The following DNASE1L3 variants were observed in gnomAD, a reference collection of about 807,000 sequenced individuals.
The protein encoded by DNASE1L3 is deoxyribonuclease 1L3.
In DNASE1L3, 27 loss-of-function variants were observed where a neutral mutation model predicts 30.9. The ratio of observed to expected loss-of-function variants is 0.87; its 90% CI spans 0.64 to 1.20. The LOEUF is 1.20. Among genes scored for constraint, DNASE1L3 ranks in the 50% most tolerant of loss-of-function variants. The pLI, the probability that DNASE1L3 is intolerant of heterozygous loss-of-function variation, is 0.00. For synonymous variants in DNASE1L3, 135 were observed against 138.0 expected, an observed-to-expected ratio of 0.98 and a Z score of 0.15; for missense variants, 364 against 378.2, an observed-to-expected ratio of 0.96 and a Z score of 0.31.
intron 4 of DNASE1L3, among the ~76,000 whole-genome samples, chr3:58,204,072 G>A (rs2097402368): frequency 6.6e-6 from 1 of 151,894 alleles, no homozygotes; most frequent in South Asian, 2.1e-4. Flanking sequence ...CTGTGGAGGA[G>A]TCTGCGATGC....
rs146805633 is a variant in DNASE1L3 at position 58,201,095 on chromosome 3, C to T, written c.448G>A (p.Val150Met). ...GGGGTGGTGTGCAGGGGGATAATCACGAAGTCTTTGACAGCTGAGAAACAG... is the reference window on the plus strand; with the variant it reads ...GGGGTGGTGTGCAGGGGGATAATCATGAAGTCTTTGACAGCTGAGAAACAG... ...QSPHTAVKDF[V>M]IIPLHTTPET... Residue 150 changes from valine (V) to methionine (M), a missense_variant, in exon 5 of 8, where the codon GTG becomes ATG. By Grantham distance (21) the Val-to-Met change is conservative. Transcript: ENST00000394549. 100 of 1,608,056 alleles carry T rather than the reference C, an allele frequency of 6.2e-5. No individual in the cohort carries two copies. In the East Asian group the frequency reaches 1.0e-3, roughly 16 times the overall value.
intron 7 of DNASE1L3, 58 bp downstream of exon 7, chr3:58,193,285 C>T (rs766661698): frequency 3.1e-6 from 5 of 1,588,418 alleles, no homozygotes; most frequent in Non-Finnish European, 3.5e-6. Flanking sequence ...CATCATGTTG[C>T]CCAAGCTAAC....
At chr3:58,198,154 C>T (rs998799609) in intron 5 of DNASE1L3, among the ~76,000 whole-genome samples, 176 bp from the exon 6 acceptor site, 3 of 152,126 alleles carry the variant, frequency 2.0e-5, no homozygotes, top group African/African-American at 2.4e-5. Context: ...GAAGTTCTAA[C>T]CCCCAGCACC....
chr3:58,201,131 G>A (rs1348207419), intron 4 of DNASE1L3, 22 bp from the exon 5 acceptor site: 2 of 1,589,050 alleles, frequency 1.3e-6, no homozygotes, highest in Non-Finnish European at 1.7e-6. Context: ...GAAAGAGGCG[G>A]GGGTCACACA....
intron 2 of DNASE1L3, among the ~76,000 whole-genome samples, chr3:58,206,451 G>A (rs890110590): frequency 3.9e-5 from 6 of 152,134 alleles, no homozygotes; most frequent in South Asian, 2.1e-4. Flanking sequence ...AGGTTCTGCC[G>A]GGCTTCCACT....
At position 58,210,851 on chromosome 3, in the gene DNASE1L3, AG is replaced by A. The variant is rs2097407303; in HGVS notation, c.55del (p.Leu19TrpfsTer3). ...LLLLLSIHSA[L>X]AMRICSFNVR... ...GTTGAAGGAGCAGATCCTCATGGCCAGGGCGCTGTGGATGGAGAGGAGGAGA... is the reference window on the plus strand; with the variant it reads ...GTTGAAGGAGCAGATCCTCATGGCCAGGCGCTGTGGATGGAGAGGAGGAGA... On this transcript the variant is annotated frameshift_variant, in exon 1 of 8. Coordinates refer to ENST00000394549, the MANE Select transcript of DNASE1L3 (RefSeq NM_004944.4). LOFTEE classifies it high-confidence loss of function. 1 of 1,614,020 alleles carries A rather than the reference AG, an allele frequency of 6.2e-7. No individual in the cohort carries two copies.
intron 7 of DNASE1L3, 65 bp downstream of exon 7, chr3:58,193,278 C>A: frequency 6.3e-7 from 1 of 1,576,846 alleles, no homozygotes; most frequent in Non-Finnish European, 8.7e-7. Flanking sequence ...GGAGTCTCAT[C>A]ATGTTGCCCA....
chr3:58,192,577 A>G lies in DNASE1L3; in HGVS notation c.*110T>C. 7 of 1,199,698 alleles carry G rather than the reference A, an allele frequency of 5.8e-6. No individual in the cohort carries two copies. The highest frequency in any genetic ancestry group is 8.2e-6 in the Non-Finnish European group (7 of 858,226). 74.3% of individuals were successfully genotyped at this position (1,199,698 alleles called of 1,614,324 possible). The stretch of plus-strand genomic sequence containing the variant: ...AGTCAGAATAAATTCAGGTCAAAAA[A>G]TGAAAGCAGTTGGATCACTCTTGTT... On this transcript the variant is annotated 3_prime_UTR_variant, in exon 8 of 8. Coordinates refer to ENST00000394549, the MANE Select transcript of DNASE1L3 (RefSeq NM_004944.4). The surrounding 1 kb of genome is among the most constrained non-coding windows in gnomAD (Gnocchi z 4.8).
At chr3:58,195,057 T>C (rs1260436417) in intron 6 of DNASE1L3, among the ~76,000 whole-genome samples, 1 of 152,236 alleles carries the variant, frequency 6.6e-6, no homozygotes, top group Non-Finnish European at 1.5e-5. Flanking sequence ...TGACTTCTTC[T>C]AGGGATGTGC....
chr3:58,192,521 A>T lies in DNASE1L3; in HGVS notation c.*166T>A, dbSNP rs77435715. The T allele has an allele frequency of 2.3e-3, 1,554 of 688,678 alleles. 18 individuals are homozygous for T. The African/African-American group carries it at 0.023, about 10-fold the overall frequency. The allele number at this position is 688,678 out of a possible 1,614,324, so 42.7% of individuals were successfully genotyped here. A position where few individuals can be genotyped will look rare whatever the true frequency, so the allele number is the denominator to read the frequency against. ...CAGGGGAGGTATGAGACCAAGAGAG[A>T]TACAAAAGATTCTCCTTCCAATTTG... is the stretch of plus-strand genomic sequence containing the variant. On this transcript the variant is annotated 3_prime_UTR_variant, in exon 8 of 8. Transcript: ENST00000394549. This position sits in a 1 kb window ranked among gnomAD's most constrained non-coding sequence, Gnocchi z 4.8.
Position 58,197,947 on chromosome 3 carries a change from C to A in DNASE1L3, c.578G>T (p.Gly193Val). The A allele has an allele frequency of 6.2e-7, 1 of 1,613,566 alleles. No individual in the cohort carries two copies. Among genetic ancestry groups the A allele is most frequent in the Non-Finnish European group, 8.5e-7 (1 of 1,179,750 alleles). Residue 193 changes from glycine (G) to valine (V), a missense_variant, in exon 6 of 8, where the codon GGC (glycine) becomes GTC (valine). Transcript: ENST00000394549. The surrounding 1 kb of genome is among the most constrained non-coding windows in gnomAD (Gnocchi z 5.3). ...GGCCTTCTTGGGGACGTAGCTGCAG[C>A]CGGCATTGAAGTCACCCATGAAAAT... The part of the protein sequence containing the change: ...NFIFMGDFNA[G>V]CSYVPKKAWK...
rs944484533 is a variant in DNASE1L3, at chr3:58,200,525, G to T, written c.546+472C>A. On this transcript the variant is annotated intron_variant, in intron 5 of 7. Coordinates refer to ENST00000394549, the MANE Select transcript of DNASE1L3 (RefSeq NM_004944.4). The surrounding 1 kb of genome is among the most constrained non-coding windows in gnomAD (Gnocchi z 4.2). ...TCCAGCTATGCCTGAAGTACTCCTGGACATTTCAGTTACACAAACCAATCA... is the reference window on the plus strand; with the variant it reads ...TCCAGCTATGCCTGAAGTACTCCTGTACATTTCAGTTACACAAACCAATCA... Among the ~76,000 whole-genome samples the T allele has an allele frequency of 1.3e-5, 2 of 152,122 alleles. No individual in the cohort carries two copies. The highest frequency in any genetic ancestry group is 2.4e-5 in the African/African-American group (1 of 41,430).
intron 7 of DNASE1L3, 98 bp downstream of exon 7, chr3:58,193,243 ATT>A (rs1337176939): frequency 6.7e-7 from 1 of 1,498,004 alleles, no homozygotes; most frequent in Non-Finnish European, 9.1e-7. Context: ...TGCCCAGCTA[ATT>A]TTTTTGAATT....
Position 58,192,918 on chromosome 3 carries a change from C to T in DNASE1L3, c.802-115G>A. The T allele has an allele frequency of 6.7e-7, 1 of 1,497,686 alleles. No individual in the cohort carries two copies. Among genetic ancestry groups the T allele is most frequent in the South Asian group, 1.4e-5 (1 of 72,344 alleles). The allele number at this position is 1,497,686 out of a possible 1,614,324, so 92.8% of individuals were successfully genotyped here. On this transcript the variant is annotated intron_variant, in intron 7 of 7. Transcript: ENST00000394549. This position sits in a 1 kb window ranked among gnomAD's most constrained non-coding sequence, Gnocchi z 4.8. ...AGGGGAGAGGAAATGCCCGAAGTCA[C>T]CCCACAGAACACTTACTGGTAAGCG...
At position 58,205,499 on chromosome 3, in the gene DNASE1L3, ATG is replaced by A. The variant is rs751206379; in HGVS notation, c.290_291del (p.Thr97IlefsTer2). The A allele has an allele frequency of 8.2e-5, 132 of 1,613,910 alleles. No individual in the cohort carries two copies. The highest frequency in any genetic ancestry group is 1.1e-4 in the Non-Finnish European group (124 of 1,179,856). ...YVISSRLGRNTYKEQYAFLYK... is the reference protein window; with the variant it reads ...YVISSRLGRNXYKEQYAFLYK... ...TAGAGAAAGGCATATTGTTCTTTAT[ATG>A]TGTTTCTTCCAAGCCGAGAGCTAAT... On this transcript the variant is annotated frameshift_variant, in exon 3 of 8. Transcript: ENST00000394549. LOFTEE classifies it high-confidence loss of function.
At chr3:58,203,256 T>C (rs1005543035) in intron 4 of DNASE1L3, among the ~76,000 whole-genome samples, 1 of 152,184 alleles carries the variant, frequency 6.6e-6, no homozygotes, top group Non-Finnish European at 1.5e-5. Flanking sequence ...AGGCCTCCAC[T>C]GCACTCCTCC....
chr3:58,193,682 C>G (rs1163686743), intron 6 of DNASE1L3, among the ~76,000 whole-genome samples: 1 of 152,220 alleles, frequency 6.6e-6, no homozygotes. Context: ...GGGCAATGTT[C>G]TGGTGGAGTA....
intron 1 of DNASE1L3, among the ~76,000 whole-genome samples, chr3:58,209,468 C>T (rs369591459): frequency 6.0e-4 from 92 of 152,316 alleles, no homozygotes; most frequent in South Asian, 3.9e-3. Context: ...CTTGTCATGG[C>T]TCCCACAGGC....
chr3:58,204,203 C>T (rs532094292), intron 4 of DNASE1L3, among the ~76,000 whole-genome samples: 25 of 149,536 alleles, frequency 1.7e-4, no homozygotes, highest in Middle Eastern at 3.4e-3. Context: ...TGCAGTGGTA[C>T]GATCTCGGCT....
Sources: allele counts gnomAD v4.1 joint callset (sites outside exome capture counted in the v4.1 genomes callset), GRCh38; gene constraint gnomAD v4.1.1; non-coding constraint Gnocchi (gnomAD v3.1); transcripts MANE v1.5; gene names NCBI Gene and HGNC (gene_info 2026-07-23, HGNC 2026-07-21).